Variants in DOK6 observed in about 807,000 individuals in gnomAD.
DOK6 encodes docking protein 6.
A neutral mutation model predicts 44.0 loss-of-function variants in DOK6; 22 were observed. That is an observed-to-expected ratio of 0.50 (90% CI 0.36 to 0.71). The LOEUF is 0.71. Among genes scored for constraint, DOK6 ranks in the 30% least tolerant of loss-of-function variants. The probability of loss-of-function intolerance (pLI) is 0.00; values close to 1 mark genes in which losing one functional copy is unlikely to be tolerated. For missense variants in DOK6, 340 were observed against 416.4 expected (o/e 0.82, Z 1.60); for synonymous variants, 166 against 145.5 (o/e 1.14, Z -1.01).
chr18:69,500,010 T>A (rs372615681), intron 1 of DOK6, among the ~76,000 whole-genome samples: 12 of 152,238 alleles, frequency 7.9e-5, no homozygotes, highest in African/African-American at 2.9e-4. Flanking sequence ...TGTAAATGGA[T>A]AATATTAGTA....
chr18:69,799,808 T>C (rs949879131), intron 7 of DOK6, among the ~76,000 whole-genome samples: 5 of 152,120 alleles, frequency 3.3e-5, no homozygotes, highest in African/African-American at 1.2e-4. Flanking sequence ...CGAGGCATTT[T>C]ATTACGCTTA....
chr18:69,745,622 C>T (rs1483857664), intron 6 of DOK6, among the ~76,000 whole-genome samples: 1 of 150,130 alleles, frequency 6.7e-6, no homozygotes, highest in African/African-American at 2.4e-5. Context: ...GTAGAAGAAA[C>T]ACAGTAGGAT....
chr18:69,699,240 A>C (rs1986457917), intron 5 of DOK6, among the ~76,000 whole-genome samples: 1 of 152,150 alleles, frequency 6.6e-6, no homozygotes, highest in South Asian at 2.1e-4. Context: ...ATTTTATATG[A>C]GGAGATGTTT....
chr18:69,796,548 T>G (rs894757926), intron 7 of DOK6, among the ~76,000 whole-genome samples: 1 of 152,152 alleles, frequency 6.6e-6, no homozygotes, highest in Non-Finnish European at 1.5e-5. Flanking sequence ...TCCTTAAAAA[T>G]AGAGTGTGCT....
chr18:69,546,739 T>C (rs1207412263), intron 1 of DOK6, among the ~76,000 whole-genome samples: 1 of 151,546 alleles, frequency 6.6e-6, no homozygotes, highest in Non-Finnish European at 1.5e-5. Context: ...ATGGCATGAG[T>C]AATGATCAAG....
At chr18:69,667,357 C>G (rs149465719) in intron 3 of DOK6, among the ~76,000 whole-genome samples, 1 of 152,206 alleles carries the variant, frequency 6.6e-6, no homozygotes, top group African/African-American at 2.4e-5. Flanking sequence ...ATTTAACTGT[C>G]TGCACTGACT....
At chr18:69,550,574 A>G (rs1378041923) in intron 1 of DOK6, among the ~76,000 whole-genome samples, 1 of 152,170 alleles carries the variant, frequency 6.6e-6, no homozygotes. Flanking sequence ...TGCTCAGCAT[A>G]TACATCAGTA....
intron 1 of DOK6, among the ~76,000 whole-genome samples, chr18:69,508,802 A>G (rs978220615): frequency 6.6e-6 from 1 of 152,174 alleles, no homozygotes; most frequent in African/African-American, 2.4e-5. Flanking sequence ...CATGACTGCA[A>G]ACTGGAAGAT....
intron 3 of DOK6, among the ~76,000 whole-genome samples, chr18:69,620,251 T>C (rs1042880877): frequency 4.6e-5 from 7 of 152,320 alleles, no homozygotes; most frequent in Admixed American, 2.6e-4. Flanking sequence ...AAACAAGTAT[T>C]ATACTCCATT....
chr18:69,624,645 T>C (rs1984516137), intron 3 of DOK6, among the ~76,000 whole-genome samples: 1 of 152,108 alleles, frequency 6.6e-6, no homozygotes, highest in Admixed American at 6.5e-5. Context: ...ACTGGTTCCT[T>C]TTAGGAGCCA....
intron 6 of DOK6, among the ~76,000 whole-genome samples, chr18:69,752,916 G>A: frequency 6.6e-6 from 1 of 152,158 alleles, no homozygotes; most frequent in Non-Finnish European, 1.5e-5. Context: ...TTATCAGGGG[G>A]CTGCTAGCAA....
At chr18:69,484,857 T>C (rs1980529588) in intron 1 of DOK6, among the ~76,000 whole-genome samples, 2 of 151,934 alleles carry the variant, frequency 1.3e-5, no homozygotes, top group Admixed American at 6.6e-5. Flanking sequence ...CAACAAAAAG[T>C]GCAAAAATGT....
chr18:69,653,259 G>A (rs547841109), intron 3 of DOK6, among the ~76,000 whole-genome samples: 1 of 151,896 alleles, frequency 6.6e-6, no homozygotes, highest in East Asian at 1.9e-4. Context: ...AGAGGCTATG[G>A]CAGATAGCTG....
intron 7 of DOK6, among the ~76,000 whole-genome samples, chr18:69,762,914 C>G (rs1369056220): frequency 6.6e-6 from 1 of 152,186 alleles, no homozygotes; most frequent in African/African-American, 2.4e-5. Context: ...GATTAAAAGT[C>G]AAGGTGAGAG....
intron 1 of DOK6, among the ~76,000 whole-genome samples, chr18:69,512,332 C>CTTCTTTTTTTTTTTTTTTTTTTTT (rs59109570): frequency 1.1e-5 from 1 of 91,690 alleles, no homozygotes; most frequent in African/African-American, 4.7e-5. Context: ...CTTTCTTCTT[C>CTTCTTTTTTTTTTTTTTTTTTTTT]TTTTTTTTTT....
intron 1 of DOK6, among the ~76,000 whole-genome samples, chr18:69,452,239 C>T (rs1486665544): frequency 6.1e-5 from 9 of 148,598 alleles, no homozygotes; most frequent in East Asian, 4.0e-4. Context: ...ATATCACCAC[C>T]GATCCCACAG....
intron 7 of DOK6, among the ~76,000 whole-genome samples, chr18:69,792,276 T>A (rs1025789841): frequency 2.6e-5 from 4 of 152,124 alleles, no homozygotes. Flanking sequence ...TCTGTTTCCG[T>A]GAAGAATGTT....
intron 1 of DOK6, among the ~76,000 whole-genome samples, chr18:69,526,250 C>G (rs1981827748): frequency 1.3e-5 from 2 of 152,048 alleles, no homozygotes; most frequent in South Asian, 4.1e-4. Context: ...TCCTCATGCT[C>G]CCCTAACCCT....
Position 69,846,884 on chromosome 18 carries a change from T to C in DOK6, c.*5501T>C, listed in dbSNP as rs2145146376. 3 of 152,298 alleles carry C rather than the reference T, an allele frequency of 2.0e-5. No individual in the cohort carries two copies. The Middle Eastern group carries it at 0.01, about 522-fold the overall frequency. The allele number at this position is 152,298 out of a possible 1,614,324, so 9.4% of individuals were successfully genotyped here. A position where few individuals can be genotyped will look rare whatever the true frequency, so the allele number is the denominator to read the frequency against. On this transcript the variant is annotated 3_prime_UTR_variant, in exon 8 of 8. Coordinates refer to ENST00000382713, the MANE Select transcript of DOK6 (RefSeq NM_152721.6). ...TTGGGGAAATGACTTTTTTACATTA[T>C]AATACCTTATATATTAGGTTTTTCC...
Sources: gnomAD v4.1 joint callset for allele counts (sites outside exome capture counted in the v4.1 genomes callset) on GRCh38, gnomAD v4.1.1 for gene constraint, MANE v1.5 for transcripts, NCBI Gene and HGNC (gene_info 2026-07-23, HGNC 2026-07-21) for gene names.